The following OR8G1 variants were observed in gnomAD, a reference collection of about 807,000 sequenced individuals.
OR8G1 encodes olfactory receptor 8G1.
For missense variants in OR8G1, 372 were observed against 356.2 expected, an observed-to-expected ratio of 1.04 and a Z score of -0.36; for synonymous variants, 129 against 133.3, an observed-to-expected ratio of 0.97 and a Z score of 0.22.
Position 124,250,730 on chromosome 11 carries a change from T to C in OR8G1, c.*119T>C. 5.1e-6 allele frequency: 2 copies of C among 393,838 alleles called. No homozygotes were observed. Among genetic ancestry groups the C allele is most frequent in the East Asian group, 7.4e-5 (2 of 26,990 alleles). 24.4% of individuals were successfully genotyped at this position (393,838 alleles called of 1,614,324 possible). On this transcript the variant is annotated 3_prime_UTR_variant, in exon 3 of 3. Coordinates refer to ENST00000641972, the MANE Select transcript of OR8G1 (RefSeq NM_001002905.2). ...ATTTTTACCATTTGGTGAGATTATA[T>C]TACCATTATTTTTTCATTTCATGAC... is the stretch of plus-strand genomic sequence containing the variant.
chr11:124,248,071 G>A (rs1171710431), intron 2 of OR8G1, among the ~76,000 whole-genome samples, 191 bp downstream of exon 2: 4 of 151,914 alleles, frequency 2.6e-5, no homozygotes, highest in Non-Finnish European at 2.9e-5. Flanking sequence ...CAGGTGTGCA[G>A]AGCTGTATCA....
At chr11:124,249,300 C>T (rs1351270564) in intron 2 of OR8G1, among the ~76,000 whole-genome samples, 1 of 151,986 alleles carries the variant, frequency 6.6e-6, no homozygotes, top group Non-Finnish European at 1.5e-5. Flanking sequence ...GTTTACCATC[C>T]TTAGGCAAGG....
chr11:124,248,385 G>T (rs1861832776), intron 2 of OR8G1, among the ~76,000 whole-genome samples: 1 of 151,300 alleles, frequency 6.6e-6, no homozygotes, highest in Non-Finnish European at 1.5e-5. Context: ...TTTGCTTTGG[G>T]TTTTGTTTAT....
Position 124,250,539 on chromosome 11 carries a change from G to A in OR8G1, c.864G>A (p.Leu288=). The change falls in exon 3 of 3, where the codon CTG becomes CTA. Residue 288 remains leucine, a synonymous_variant. Coordinates refer to ENST00000641972, the MANE Select transcript of OR8G1 (RefSeq NM_001002905.2). ...TTATTGTGCCCATGTTGAACCCTCT[G>A]ATTTATAGCCTGAGGAATAAAGATG... ...YTIIVPMLNP[L]IYSLRNKDVH... 3 of 1,167,594 alleles carry A rather than the reference G, an allele frequency of 2.6e-6. No individual in the cohort carries two copies. The highest frequency in any genetic ancestry group is 2.8e-5 in the East Asian group (1 of 35,764). The allele number at this position is 1,167,594 out of a possible 1,614,324, so 72.3% of individuals were successfully genotyped here. A position where few individuals can be genotyped will look rare whatever the true frequency, so the allele number is the denominator to read the frequency against.
intron 1 of OR8G1, among the ~76,000 whole-genome samples, chr11:124,246,536 A>G (rs1378496060): frequency 1.3e-5 from 2 of 151,882 alleles, no homozygotes; most frequent in Admixed American, 6.6e-5. Context: ...TTGAACAATT[A>G]AAGGAAGAAG....
In OR8G1 at chr11:124,250,870, T is replaced by C; in HGVS notation, c.*259T>C. On this transcript the variant is annotated 3_prime_UTR_variant, in exon 3 of 3. Coordinates refer to ENST00000641972, the MANE Select transcript of OR8G1 (RefSeq NM_001002905.2). Reference sequence around the variant, plus strand: ...TAGACTCATTAATGCCAGCCCCATGTTCTTACCTCTTTTCTTTTACACAAT... The same window carrying C: ...TAGACTCATTAATGCCAGCCCCATGCTCTTACCTCTTTTCTTTTACACAAT... The C allele has an allele frequency of 5.9e-6, 1 of 169,258 alleles. No homozygotes were observed. The highest frequency in any genetic ancestry group is 1.1e-5 in the Non-Finnish European group (1 of 94,402). 10.5% of individuals were successfully genotyped at this position (169,258 alleles called of 1,614,324 possible). A position where few individuals can be genotyped will look rare whatever the true frequency, so the allele number is the denominator to read the frequency against.
intron 1 of OR8G1, among the ~76,000 whole-genome samples, chr11:124,246,507 A>G (rs372180019): frequency 2.0e-5 from 3 of 151,974 alleles, no homozygotes; most frequent in African/African-American, 7.2e-5. Context: ...CGTAATTGAT[A>G]AGGGGTTAAA....
rs746336218 is a variant in OR8G1, at chr11:124,249,888, C to T, written c.213C>T (p.Phe71=). The stretch of plus-strand genomic sequence containing the variant: ...TCAGCAGTCTGTCCTTCATTGACTT[C>T]TGCCATTCCACTGTCATTACCCCTA... ...YFLSSLSFID[F]CHSTVITPKM... is the part of the protein sequence containing the mutation. The change falls in exon 3 of 3, where the codon TTC becomes TTT. Residue 71 remains phenylalanine, a synonymous_variant. Coordinates refer to ENST00000641972, the MANE Select transcript of OR8G1 (RefSeq NM_001002905.2). 7.4e-6 allele frequency: 12 copies of T among 1,613,928 alleles called. No individual in the cohort carries two copies. Among genetic ancestry groups the T allele is most frequent in the African/African-American group, 1.3e-5 (1 of 74,916 alleles).
rs544360063 is a variant in OR8G1, at chr11:124,252,075, A to C, written c.*1464A>C. On this transcript the variant is annotated 3_prime_UTR_variant, in exon 3 of 3. Coordinates refer to ENST00000641972, the MANE Select transcript of OR8G1 (RefSeq NM_001002905.2). ...GAAACTATAGTTTGTCCATCCTTTTAGTTGAAGGGAGTGTAGGTGAATGAG... is the reference window on the plus strand; with the variant it reads ...GAAACTATAGTTTGTCCATCCTTTTCGTTGAAGGGAGTGTAGGTGAATGAG... The C allele has an allele frequency of 6.6e-6, 1 of 152,244 alleles. No homozygotes were observed. The highest frequency in any genetic ancestry group is 1.9e-4 in the East Asian group (1 of 5,172). The allele number at this position is 152,244 out of a possible 1,614,324, so 9.4% of individuals were successfully genotyped here. A position where few individuals can be genotyped will look rare whatever the true frequency, so the allele number is the denominator to read the frequency against.
chr11:124,246,419 A>T lies in OR8G1; in HGVS notation c.-96-1382A>T, dbSNP rs545604864. Among the ~76,000 whole-genome samples the T allele has an allele frequency of 3.9e-5, 6 of 152,108 alleles. No homozygotes were observed. The South Asian group carries it at 1.2e-3, about 32-fold the overall frequency. ...AAGATCAAATGGAAGAGAATGGAGA[A>T]TAATGTGATTTGCAAACACTATCAG... On this transcript the variant is annotated intron_variant, in intron 1 of 2. Transcript: ENST00000641972.
rs1463578577 is a variant in OR8G1 at position 124,253,642 on chromosome 11, A to T, written c.*3031A>T. The T allele has an allele frequency of 7.8e-6, 1 of 127,482 alleles. No individual in the cohort carries two copies. The highest frequency in any genetic ancestry group is 8.6e-5 in the Admixed American group (1 of 11,680). The allele number at this position is 127,482 out of a possible 1,614,324, so 7.9% of individuals were successfully genotyped here. The stretch of plus-strand genomic sequence containing the variant: ...CCAATAGATTTTTATTACTATAGTT[A>T]CCATTTATACAATAGTTTTTAACTT... On this transcript the variant is annotated 3_prime_UTR_variant, in exon 3 of 3. Transcript: ENST00000641972.
At chr11:124,248,029 G>C (rs1861829278) in intron 2 of OR8G1, 149 bp downstream of exon 2, 1 of 151,900 alleles carries the variant, frequency 6.6e-6, no homozygotes. Context: ...ATTTGGTATT[G>C]TTGGAGTTGT....
Position 124,250,361 on chromosome 11 carries a change from G to C in OR8G1, c.686G>C (p.Arg229Pro). ...ATTATTGCCAGCATCCTCCACATTC[G>C]CTCCACTGAGGGCAGGTCCAAAGCC... ...IFIIASILHI[R>P]STEGRSKAFS... Residue 229 changes from arginine (R) to proline (P), a missense_variant, in exon 3 of 3, where the codon CGC becomes CCC. Arg to Pro is a moderately radical substitution (Grantham distance 103). Transcript: ENST00000641972. 1 of 1,613,572 alleles carries C rather than the reference G, an allele frequency of 6.2e-7. No individual in the cohort carries two copies. The highest frequency in any genetic ancestry group is 8.5e-7 in the Non-Finnish European group (1 of 1,179,800).
At chr11:124,248,429 G>T in intron 2 of OR8G1, among the ~76,000 whole-genome samples, 1 of 151,534 alleles carries the variant, frequency 6.6e-6, no homozygotes, top group East Asian at 1.9e-4. Flanking sequence ...TCCTTTCTAA[G>T]AAAGCTTAAA....
In OR8G1 at chr11:124,250,297, C is replaced by T. The variant is rs1415831947; in HGVS notation, c.622C>T (p.Leu208Phe). ...TCTATGTGTTGGTGCATTTAACATC[C>T]TTGTCCCCAGCCTGACCATCCTTTG... is the stretch of plus-strand genomic sequence containing the variant. The part of the protein sequence containing the change: ...LILCVGAFNI[L>F]VPSLTILCSY... Residue 208 changes from leucine (L) to phenylalanine (F), a missense_variant, in exon 3 of 3, where the codon CTT becomes TTT. Transcript: ENST00000641972. 6.2e-7 allele frequency: 1 copy of T among 1,613,712 alleles called. No homozygotes were observed. Among genetic ancestry groups the T allele is most frequent in the Admixed American group, 1.7e-5 (1 of 59,942 alleles).
At chr11:124,248,399 T>G (rs543622031) in intron 2 of OR8G1, among the ~76,000 whole-genome samples, 2 of 151,954 alleles carry the variant, frequency 1.3e-5, no homozygotes, top group Admixed American at 6.6e-5. Context: ...TGTTTATGTG[T>G]GTCTGTGTGT....
Position 124,249,754 on chromosome 11 carries a change from CT to C in OR8G1, c.80del (p.Leu27ProfsTer6), listed in dbSNP as rs1565316424. ...AGAACAGCCAGAGCTCCAGCTGCCC[CT>C]CTTCCTCCTGTTCTTAGGAATCTAT... ...LSEQPELQLP[L>X]FLLFLGIYVV... On this transcript the variant is annotated frameshift_variant, in exon 3 of 3. Transcript: ENST00000641972. LOFTEE classifies it low-confidence loss of function (END_TRUNC). 6.2e-7 allele frequency: 1 copy of C among 1,613,808 alleles called. No individual in the cohort carries two copies. Among genetic ancestry groups the C allele is most frequent in the East Asian group, 2.2e-5 (1 of 44,858 alleles).
intron 2 of OR8G1, among the ~76,000 whole-genome samples, chr11:124,248,288 C>T (rs1861832165): frequency 6.6e-6 from 1 of 151,424 alleles, no homozygotes; most frequent in Admixed American, 6.6e-5. Flanking sequence ...ATAGAATTGC[C>T]TTCTCATTTT....
intron 1 of OR8G1, among the ~76,000 whole-genome samples, chr11:124,247,050 T>C (rs1056171955): frequency 2.6e-5 from 4 of 151,716 alleles, no homozygotes; most frequent in African/African-American, 9.7e-5. Flanking sequence ...TTATAACTTA[T>C]ATGTACACAT....
Sources: allele counts gnomAD v4.1 joint callset (sites outside exome capture counted in the v4.1 genomes callset), GRCh38; gene constraint gnomAD v4.1.1; transcripts MANE v1.5; gene names NCBI Gene and HGNC (gene_info 2026-07-23, HGNC 2026-07-21).